Variants in DPP10 observed in about 807,000 individuals in gnomAD.
The protein encoded by DPP10 is dipeptidyl peptidase like 10.
DPP10 carries 33 observed loss-of-function variants against 120.9 expected under a neutral mutation model. That is an observed-to-expected ratio of 0.27 (90% confidence interval 0.21 to 0.37). The LOEUF (loss-of-function observed/expected upper bound fraction) is 0.37, where lower values mean the gene tolerates loss of function less well. Ranked by LOEUF, DPP10 falls within the 10% of genes least tolerant of loss-of-function variation. The probability of loss-of-function intolerance (pLI) is 1.00; values close to 1 mark genes in which losing one functional copy is unlikely to be tolerated. For synonymous variants in DPP10, 337 were observed against 326.1 expected (o/e 1.03, Z -0.36); for missense variants, 816 against 942.8 (o/e 0.87, Z 1.76).
chr2:114,902,880 A>G (rs1274333652), intron 1 of DPP10, among the ~76,000 whole-genome samples: 1 of 152,180 alleles, frequency 6.6e-6, no homozygotes, highest in East Asian at 1.9e-4. Context: ...CAAATGTGTA[A>G]TGACATGCAT....
chr2:115,634,904 C>T (rs1446881244), intron 5 of DPP10, among the ~76,000 whole-genome samples: 2 of 151,292 alleles, frequency 1.3e-5, no homozygotes, highest in Admixed American at 6.6e-5. Flanking sequence ...TTGCTAAAAC[C>T]CTGGCTGGAG....
At chr2:115,187,097 C>T (rs1171024667) in intron 1 of DPP10, among the ~76,000 whole-genome samples, 21 of 134,154 alleles carry the variant, frequency 1.6e-4, no homozygotes, top group African/African-American at 5.3e-4. Flanking sequence ...ACTGCAATGG[C>T]GCAATCTCGG....
intron 1 of DPP10, among the ~76,000 whole-genome samples, chr2:115,106,340 A>G (rs7584663): frequency 0.21 from 31,309 of 152,140 alleles, 3,966 homozygotes; most frequent in East Asian, 0.36. Context: ...TTGGCATCCA[A>G]TGCAAGGACT....
Position 114,556,309 on chromosome 2 carries a change from T to C in DPP10, c.60+113471T>C, listed in dbSNP as rs928646653. On this transcript the variant is annotated intron_variant, in intron 1 of 25. Coordinates refer to ENST00000410059, the MANE Select transcript of DPP10 (RefSeq NM_020868.6). Reference sequence around the variant, plus strand: ...GATAGATGAGTAAATAGATAATAGATAGATAGAAATAGGTAGATAGATAGA... The same window carrying C: ...GATAGATGAGTAAATAGATAATAGACAGATAGAAATAGGTAGATAGATAGA... 8.0e-5 allele frequency among the ~76,000 whole-genome samples: 11 copies of C among 137,724 alleles called. No individual in the cohort carries two copies. In the East Asian group the frequency reaches 1.6e-3, roughly 20 times the overall value. 90.4% of individuals were successfully genotyped at this position (137,724 alleles called of 152,430 possible).
At chr2:115,046,104 C>T (rs1286024196) in intron 1 of DPP10, among the ~76,000 whole-genome samples, 3 of 152,026 alleles carry the variant, frequency 2.0e-5, no homozygotes, top group African/African-American at 7.3e-5. Flanking sequence ...CATGTAAAAG[C>T]AATGATAATC....
At chr2:115,767,112 G>A (rs1575721944) in intron 12 of DPP10, among the ~76,000 whole-genome samples, 1 of 152,090 alleles carries the variant, frequency 6.6e-6, no homozygotes, top group East Asian at 1.9e-4. Context: ...GGGTAATAAG[G>A]AAACACCTTA....
intron 15 of DPP10, among the ~76,000 whole-genome samples, chr2:115,779,939 T>C (rs1243417679): frequency 6.6e-6 from 1 of 151,986 alleles, no homozygotes; most frequent in Admixed American, 6.6e-5. Context: ...TTTTGTGAAC[T>C]GTTTCTTGTA....
chr2:114,949,279 A>G (rs1455150880), intron 1 of DPP10, among the ~76,000 whole-genome samples: 1 of 152,090 alleles, frequency 6.6e-6, no homozygotes, highest in Admixed American at 6.5e-5. Flanking sequence ...TATTAGGAGA[A>G]CAGCATGGGG....
intron 1 of DPP10, among the ~76,000 whole-genome samples, chr2:115,053,345 A>G (rs558480761): frequency 6.6e-6 from 1 of 152,220 alleles, no homozygotes; most frequent in African/African-American, 2.4e-5. Flanking sequence ...AAATTATCCT[A>G]AATGAAAGAT....
intron 21 of DPP10, among the ~76,000 whole-genome samples, chr2:115,835,870 A>C (rs1689432893): frequency 6.6e-6 from 1 of 152,112 alleles, no homozygotes; most frequent in Non-Finnish European, 1.5e-5. Context: ...TCATGGAGCA[A>C]TATTTGACAT....
chr2:114,932,060 T>C (rs1468860169), intron 1 of DPP10, among the ~76,000 whole-genome samples: 2 of 152,182 alleles, frequency 1.3e-5, no homozygotes, highest in East Asian at 3.8e-4. Flanking sequence ...GCTGGCAAAT[T>C]CTATTAAACA....
At chr2:114,950,507 G>A (rs192807497) in intron 1 of DPP10, among the ~76,000 whole-genome samples, 10 of 150,838 alleles carry the variant, frequency 6.6e-5, no homozygotes, top group East Asian at 2.0e-4. Flanking sequence ...GGGTTTTCAC[G>A]GTGTTAGCAG....
At chr2:115,659,099 G>C (rs1436709380) in intron 5 of DPP10, among the ~76,000 whole-genome samples, 1 of 152,012 alleles carries the variant, frequency 6.6e-6, no homozygotes, top group South Asian at 2.1e-4. Context: ...TGATAAAACG[G>C]TAAGTTCAGC....
At chr2:115,593,558 A>G (rs1469279791) in intron 5 of DPP10, among the ~76,000 whole-genome samples, 2 of 143,534 alleles carry the variant, frequency 1.4e-5, no homozygotes, top group Non-Finnish European at 3.0e-5. Flanking sequence ...AGCCAGAAAA[A>G]TGGAAGAAAA....
At chr2:115,529,768 A>G (rs1320774184) in intron 5 of DPP10, among the ~76,000 whole-genome samples, 2 of 152,142 alleles carry the variant, frequency 1.3e-5, no homozygotes, top group Non-Finnish European at 2.9e-5. Flanking sequence ...ATTTGTTTTC[A>G]GGGAAGCTGG....
intron 1 of DPP10, among the ~76,000 whole-genome samples, chr2:114,855,974 C>T (rs1387428606): frequency 3.3e-5 from 5 of 149,614 alleles, no homozygotes; most frequent in Admixed American, 6.6e-5. Context: ...CAGAACAAAC[C>T]GTTAACATTT....
At chr2:114,614,082 C>G (rs1693494628) in intron 1 of DPP10, among the ~76,000 whole-genome samples, 1 of 151,940 alleles carries the variant, frequency 6.6e-6, no homozygotes, top group Non-Finnish European at 1.5e-5. Context: ...ACATGTGTAC[C>G]TATGTAAAAA....
chr2:115,337,947 T>C lies in DPP10; in HGVS notation c.176-5870T>C, dbSNP rs527680422. Reference sequence around the variant, plus strand: ...TATTAAATTACATAATATCTCCTTCTCATTATTGTTTAAACAGAAGATTTA... The same window carrying C: ...TATTAAATTACATAATATCTCCTTCCCATTATTGTTTAAACAGAAGATTTA... On this transcript the variant is annotated intron_variant, in intron 2 of 25. Transcript: ENST00000410059. Among the ~76,000 whole-genome samples the C allele has an allele frequency of 2.0e-5, 3 of 152,122 alleles. No individual in the cohort carries two copies. In the East Asian group the frequency reaches 5.8e-4, roughly 29 times the overall value.
chr2:114,721,065 A>C (rs1701674941), intron 1 of DPP10, among the ~76,000 whole-genome samples: 2 of 152,216 alleles, frequency 1.3e-5, no homozygotes, highest in South Asian at 4.1e-4. Context: ...TACACAGCAT[A>C]ACCTATCCCA....
Sources: gnomAD v4.1 joint callset for allele counts (sites outside exome capture counted in the v4.1 genomes callset) on GRCh38, gnomAD v4.1.1 for gene constraint, MANE v1.5 for transcripts, NCBI Gene and HGNC (gene_info 2026-07-23, HGNC 2026-07-21) for gene names.